Variants in JPH2 observed in about 807,000 individuals in gnomAD.
The protein encoded by JPH2 is junctophilin-2.
Under a neutral mutation model 55.9 loss-of-function variants are expected in JPH2, and 38 were observed. That is an observed-to-expected ratio of 0.68 (90% CI 0.52 to 0.89). The LOEUF is 0.89. Among genes scored for constraint, JPH2 ranks in the 40% least tolerant of loss-of-function variants. JPH2 has a pLI of 0.00. For missense variants in JPH2, 964 were observed against 1,037.6 expected, an observed-to-expected ratio of 0.93 and a Z score of 0.97; for synonymous variants, 480 against 472.4, an observed-to-expected ratio of 1.02 and a Z score of -0.21.
rs775645341 is a variant in JPH2, at chr20:44,186,476, T to C, written c.230A>G (p.Lys77Arg). 1.2e-6 allele frequency: 2 copies of C among 1,614,110 alleles called. No homozygotes were observed. Among genetic ancestry groups the C allele is most frequent in the Non-Finnish European group, 1.7e-6 (2 of 1,180,010 alleles). The change falls in exon 1 of 6, where the codon AAG becomes AGG. Residue 77 changes from lysine (K) to arginine (R), a missense_variant. By Grantham distance (26) the Lys-to-Arg change is conservative. Transcript: ENST00000372980. Reference sequence around the variant, plus strand: ...CTCGCCCTTGTAGAGCCAGCGCCCCTTGGTCTCTATGCCCAGCCCATGCCG... The same window carrying C: ...CTCGCCCTTGTAGAGCCAGCGCCCCCTGGTCTCTATGCCCAGCCCATGCCG... ...GKRHGLGIETKGRWLYKGEWT... is the reference protein window; with the variant it reads ...GKRHGLGIETRGRWLYKGEWT...
intron 2 of JPH2, among the ~76,000 whole-genome samples, chr20:44,148,621 C>T (rs1424210699): frequency 2.0e-5 from 3 of 152,188 alleles, no homozygotes; most frequent in African/African-American, 4.8e-5. Context: ...GCCTTAGGTT[C>T]GTTACTGCCC....
intron 2 of JPH2, among the ~76,000 whole-genome samples, chr20:44,136,374 C>T (rs1032064353): frequency 1.3e-5 from 2 of 152,126 alleles, no homozygotes; most frequent in African/African-American, 4.8e-5. Flanking sequence ...ATGGCCTCAC[C>T]CTTTGCCTAT....
chr20:44,186,796 G>A lies in JPH2; in HGVS notation c.-91C>T. The stretch of plus-strand genomic sequence containing the variant: ...GCAACACTCCTCCAGTGCCCTCGGG[G>A]GCAGGCCCCCAGACTCACCACTGCA... On this transcript the variant is annotated 5_prime_UTR_variant, in exon 1 of 6. Coordinates refer to ENST00000372980, the MANE Select transcript of JPH2 (RefSeq NM_020433.5). 2 of 1,344,598 alleles carry A rather than the reference G, an allele frequency of 1.5e-6. No homozygotes were observed. The highest frequency in any genetic ancestry group is 2.1e-6 in the Non-Finnish European group (2 of 951,872). 83.3% of individuals were successfully genotyped at this position (1,344,598 alleles called of 1,614,324 possible).
chr20:44,121,886 A>T (rs1166889262), intron 2 of JPH2, among the ~76,000 whole-genome samples: 1 of 152,026 alleles, frequency 6.6e-6, no homozygotes, highest in African/African-American at 2.4e-5. Context: ...CCAGCTACTC[A>T]GGAGGCTGAG....
chr20:44,111,586 G>C lies in JPH2; in HGVS notation c.*1932C>G, dbSNP rs1300807759. Reference sequence around the variant, plus strand: ...TTCAGCTGCCCCTCAAGGATCGTGAGAACAAGGACACAGATGGGAAGGACC... The same window carrying C: ...TTCAGCTGCCCCTCAAGGATCGTGACAACAAGGACACAGATGGGAAGGACC... On this transcript the variant is annotated 3_prime_UTR_variant, in exon 6 of 6. Coordinates refer to ENST00000372980, the MANE Select transcript of JPH2 (RefSeq NM_020433.5). 1 of 152,262 alleles carries C rather than the reference G, an allele frequency of 6.6e-6. No homozygotes were observed. The highest frequency in any genetic ancestry group is 1.5e-5 in the Non-Finnish European group (1 of 68,126). The allele number at this position is 152,262 out of a possible 1,614,324, so 9.4% of individuals were successfully genotyped here.
chr20:44,185,914 G>A (rs2072835567), intron 1 of JPH2, among the ~76,000 whole-genome samples: 1 of 152,100 alleles, frequency 6.6e-6, no homozygotes, highest in Non-Finnish European at 1.5e-5. Flanking sequence ...GGATGGATGG[G>A]TGGGTGGATG....
At position 44,116,072 on chromosome 20, in the gene JPH2, G is replaced by C; in HGVS notation, c.1603C>G (p.Pro535Ala). ...ATGCGCTCGGTGGCTGGACGCGCGG[G>C]GCTGCGGCGGCCCGCGCCCTCGGAC... ...TPSEGAGRRS[P>A]ARPATERMAI... The change falls in exon 4 of 6, where the codon CCC becomes GCC. Residue 535 changes from proline to alanine, a missense_variant. Transcript: ENST00000372980. 2.6e-6 allele frequency: 4 copies of C among 1,535,754 alleles called. No individual in the cohort carries two copies. The highest frequency in any genetic ancestry group is 3.5e-6 in the Non-Finnish European group (4 of 1,152,152).
chr20:44,172,105 C>G (rs1317231671), intron 1 of JPH2, among the ~76,000 whole-genome samples: 1 of 152,150 alleles, frequency 6.6e-6, no homozygotes, highest in African/African-American at 2.4e-5. Context: ...AGATCTCGGG[C>G]TCTCAACAAA....
At chr20:44,123,826 C>T (rs941255971) in intron 2 of JPH2, among the ~76,000 whole-genome samples, 17 of 152,328 alleles carry the variant, frequency 1.1e-4, no homozygotes, top group South Asian at 1.0e-3. Context: ...ACGTGTTCGG[C>T]GGAGAGAAAA....
At position 44,119,873 on chromosome 20, in the gene JPH2, CA is replaced by C. The variant is rs56808570; in HGVS notation, c.1170-1251del. Among the ~76,000 whole-genome samples the C allele has an allele frequency of 9.8e-4, 119 of 121,456 alleles. No homozygotes were observed. The Middle Eastern group carries it at 0.018, about 18-fold the overall frequency. 79.7% of individuals were successfully genotyped at this position (121,456 alleles called of 152,430 possible). On this transcript the variant is annotated intron_variant, in intron 2 of 5. Transcript: ENST00000372980. ...TGGGCAACAGGGTGAGACTCCATCT[CA>C]AAAAAAAAAAAAAAAAAAAAATCCT...
chr20:44,171,130 T>A (rs1284396930), intron 1 of JPH2, among the ~76,000 whole-genome samples: 1 of 152,130 alleles, frequency 6.6e-6, no homozygotes, highest in Non-Finnish European at 1.5e-5. Flanking sequence ...CAGGTCAGGA[T>A]CCCTAGGGAA....
chr20:44,162,787 T>TAAACAC, intron 1 of JPH2, among the ~76,000 whole-genome samples: 1 of 41,010 alleles, frequency 2.4e-5, no homozygotes, highest in African/African-American at 1.2e-4. Flanking sequence ...TATATATATA[T>TAAACAC]ACACACACAC....
Position 44,107,046 on chromosome 20 carries a change from T to G in JPH2, c.*6472A>C, listed in dbSNP as rs2072113027. On this transcript the variant is annotated 3_prime_UTR_variant, in exon 6 of 6. Coordinates refer to ENST00000372980, the MANE Select transcript of JPH2 (RefSeq NM_020433.5). The stretch of plus-strand genomic sequence containing the variant: ...CCTGTTCTGCATTTTCCTCCTTCCT[T>G]TCACAGGTTTTGATCCCTAATAAAC... Among the ~76,000 whole-genome samples the G allele has an allele frequency of 6.6e-6, 1 of 152,208 alleles. No homozygotes were observed. Among genetic ancestry groups the G allele is most frequent in the South Asian group, 2.1e-4 (1 of 4,832 alleles).
intron 5 of JPH2, among the ~76,000 whole-genome samples, chr20:44,114,033 G>A (rs1170910855): frequency 1.3e-5 from 2 of 152,200 alleles, no homozygotes; most frequent in Non-Finnish European, 2.9e-5. Context: ...CAGAAACCCT[G>A]TTATTATTGC....
chr20:44,178,554 C>A (rs1448269126), intron 1 of JPH2, among the ~76,000 whole-genome samples: 1 of 152,106 alleles, frequency 6.6e-6, no homozygotes, highest in Non-Finnish European at 1.5e-5. Flanking sequence ...CATCAAAATC[C>A]CAGCAGGCCT....
chr20:44,172,996 G>A (rs1003972032), intron 1 of JPH2, among the ~76,000 whole-genome samples: 2 of 152,078 alleles, frequency 1.3e-5, no homozygotes, highest in Admixed American at 6.5e-5. Context: ...AAAAAAAATC[G>A]ATATAACTGA....
intron 1 of JPH2, among the ~76,000 whole-genome samples, chr20:44,179,628 T>A (rs969552835): frequency 1.3e-5 from 2 of 152,202 alleles, no homozygotes; most frequent in African/African-American, 2.4e-5. Flanking sequence ...TGCTCTGTTG[T>A]CCCCATCTTA....
chr20:44,172,641 T>C (rs76700606), intron 1 of JPH2, among the ~76,000 whole-genome samples: 4,807 of 152,190 alleles, frequency 0.032, 91 homozygotes, highest in Non-Finnish European at 0.044. Context: ...CACAGGTGCA[T>C]ACCATCATGC....
intron 1 of JPH2, among the ~76,000 whole-genome samples, chr20:44,164,186 G>A (rs6103663): frequency 0.27 from 41,068 of 152,020 alleles, 5,654 homozygotes; most frequent in Admixed American, 0.35. Context: ...CAGAGAAATG[G>A]GAATGTGGTA....
Sources: allele counts gnomAD v4.1 joint callset (sites outside exome capture counted in the v4.1 genomes callset), GRCh38; gene constraint gnomAD v4.1.1; transcripts MANE v1.5; gene names NCBI Gene and HGNC (gene_info 2026-07-23, HGNC 2026-07-21).